MAP2K1: variants seen among roughly 807,000 people sequenced by gnomAD.
MAP2K1 encodes dual specificity mitogen-activated protein kinase kinase 1.
In MAP2K1, 16 loss-of-function variants were observed where a neutral mutation model predicts 46.3. That is an observed-to-expected ratio of 0.35 (90% CI 0.23 to 0.52). The LOEUF (loss-of-function observed/expected upper bound fraction) is 0.52. Among genes scored for constraint, MAP2K1 ranks in the 20% least tolerant of loss-of-function variants. The pLI, the probability that MAP2K1 is intolerant of heterozygous loss-of-function variation, is 0.94. For missense variants in MAP2K1, 263 were observed against 497.1 expected, an observed-to-expected ratio of 0.53 and a Z score of 4.48; for synonymous variants, 183 against 185.6, an observed-to-expected ratio of 0.99 and a Z score of 0.11.
chr15:66,470,697 A>G (rs1046386617), intron 5 of MAP2K1, among the ~76,000 whole-genome samples: 5 of 152,110 alleles, frequency 3.3e-5, no homozygotes, highest in African/African-American at 9.7e-5. Context: ...CCAGCCACCA[A>G]TAGGAGATTT....
intron 1 of MAP2K1, among the ~76,000 whole-genome samples, chr15:66,398,183 A>G (rs1188173400): frequency 6.6e-6 from 1 of 151,534 alleles, no homozygotes; most frequent in Non-Finnish European, 1.5e-5. Flanking sequence ...GAGACCTGCC[A>G]AGTCAGGAGG....
intron 1 of MAP2K1, among the ~76,000 whole-genome samples, chr15:66,388,128 ACTC>A (rs1429823655): frequency 2.6e-5 from 4 of 152,114 alleles, no homozygotes; most frequent in Non-Finnish European, 4.4e-5. Context: ...GAGCCCCTAA[ACTC>A]CTGACCTGAG....
intron 1 of MAP2K1, among the ~76,000 whole-genome samples, chr15:66,409,074 G>A (rs568858873): frequency 3.9e-5 from 6 of 152,276 alleles, no homozygotes; most frequent in South Asian, 2.1e-4. Context: ...GTTGGTAACC[G>A]TAGCATCTGT....
Position 66,490,440 on chromosome 15 carries a change from C to T in MAP2K1, c.1069-62C>T, listed in dbSNP as rs769726899. The T allele has an allele frequency of 1.9e-5, 23 of 1,217,490 alleles. No homozygotes were observed. In the African/African-American group the frequency reaches 2.8e-4, roughly 15 times the overall value. The allele number at this position is 1,217,490 out of a possible 1,614,324, so 75.4% of individuals were successfully genotyped here. On this transcript the variant is annotated intron_variant, in intron 10 of 10. Coordinates refer to ENST00000307102, the MANE Select transcript of MAP2K1 (RefSeq NM_002755.4). ...ACCTGAAACTCTTGGATTTTCCTTC[C>T]TGGTGGGTTTTGTTTTTTTGTTTCT... is the stretch of plus-strand genomic sequence containing the variant.
At chr15:66,410,409 G>GA (rs2093408411) in intron 1 of MAP2K1, among the ~76,000 whole-genome samples, 1 of 151,328 alleles carries the variant, frequency 6.6e-6, no homozygotes, top group African/African-American at 2.4e-5. Flanking sequence ...TAACTTTTAG[G>GA]AAAAAGGGGA....
chr15:66,444,752 A>G (rs766387542), intron 5 of MAP2K1, 45 bp downstream of exon 5: 1 of 1,474,792 alleles, frequency 6.8e-7, no homozygotes, highest in Non-Finnish European at 9.5e-7. Context: ...TTTTAGATAT[A>G]ATCCAAAGGC....
chr15:66,479,885 A>AT (rs11399903), intron 5 of MAP2K1, among the ~76,000 whole-genome samples: 95 of 151,042 alleles, frequency 6.3e-4, no homozygotes, highest in African/African-American at 2.2e-3. Flanking sequence ...GAGGGTCATG[A>AT]TTTTTTTTTA....
chr15:66,472,633 C>A (rs1892667007), intron 5 of MAP2K1, among the ~76,000 whole-genome samples: 1 of 152,152 alleles, frequency 6.6e-6, no homozygotes, highest in Admixed American at 6.6e-5. Context: ...TGCATTTGCC[C>A]CAAAGAAGTA....
At chr15:66,398,677 A>G (rs2093373987) in intron 1 of MAP2K1, among the ~76,000 whole-genome samples, 1 of 152,042 alleles carries the variant, frequency 6.6e-6, no homozygotes, top group East Asian at 1.9e-4. Context: ...AAAAAAATGT[A>G]CTGCATGAAT....
chr15:66,412,323 G>C (rs2093413420), intron 1 of MAP2K1, among the ~76,000 whole-genome samples: 1 of 152,170 alleles, frequency 6.6e-6, no homozygotes, highest in African/African-American at 2.4e-5. Context: ...TACTGTGAAA[G>C]GCTTCTTTGA....
rs763233596 is a variant in MAP2K1 at position 66,489,814 on chromosome 15, TTCTC to T, written c.1068+53_1068+56del. ...ACAGTACCTGTTTATTCATTTGTTC[TTCTC>T]TGTCAGTCATCTGTGCAGTACTTCC... On this transcript the variant is annotated intron_variant, in intron 10 of 10. Transcript: ENST00000307102. The T allele has an allele frequency of 1.5e-5, 22 of 1,464,694 alleles. No homozygotes were observed. The African/African-American group carries it at 2.8e-4, about 19-fold the overall frequency. 90.7% of individuals were successfully genotyped at this position (1,464,694 alleles called of 1,614,324 possible). A position where few individuals can be genotyped will look rare whatever the true frequency, so the allele number is the denominator to read the frequency against.
chr15:66,443,945 A>G (rs1891789538), intron 4 of MAP2K1, among the ~76,000 whole-genome samples: 1 of 151,086 alleles, frequency 6.6e-6, no homozygotes, highest in Non-Finnish European at 1.5e-5. Flanking sequence ...ACAAAAGAGT[A>G]AAAAATAAGG....
At chr15:66,432,288 AG>A (rs1258003316) in intron 1 of MAP2K1, among the ~76,000 whole-genome samples, 1 of 152,198 alleles carries the variant, frequency 6.6e-6, no homozygotes, top group East Asian at 1.9e-4. Flanking sequence ...CTGAAAGTAC[AG>A]GTCAGAAGCC....
chr15:66,489,844 A>C (rs1398244996), intron 10 of MAP2K1, 81 bp downstream of exon 10: 1 of 1,214,420 alleles, frequency 8.2e-7, no homozygotes, highest in Non-Finnish European at 1.2e-6. Flanking sequence ...CAGTACTTCC[A>C]GAGCCCATTC....
At chr15:66,456,784 G>A (rs566249296) in intron 5 of MAP2K1, among the ~76,000 whole-genome samples, 16 of 152,328 alleles carry the variant, frequency 1.1e-4, no homozygotes, top group African/African-American at 3.6e-4. Context: ...AACAGATGGC[G>A]CCTCTTGATG....
At chr15:66,468,966 T>C (rs1386824533) in intron 5 of MAP2K1, among the ~76,000 whole-genome samples, 5 of 142,612 alleles carry the variant, frequency 3.5e-5, no homozygotes, top group Non-Finnish European at 7.7e-5. Context: ...AAAAAAAAAT[T>C]TTTTTTTTTG....
At chr15:66,425,760 C>A (rs1057430703) in intron 1 of MAP2K1, among the ~76,000 whole-genome samples, 1 of 152,220 alleles carries the variant, frequency 6.6e-6, no homozygotes, top group Non-Finnish European at 1.5e-5. Context: ...GTAACAATAT[C>A]CCACTTCATA....
intron 1 of MAP2K1, among the ~76,000 whole-genome samples, chr15:66,418,169 C>A (rs571933700): frequency 1.3e-5 from 2 of 152,260 alleles, no homozygotes; most frequent in East Asian, 3.9e-4. Flanking sequence ...ATTTTGGGTA[C>A]GCTGTATGTA....
intron 5 of MAP2K1, among the ~76,000 whole-genome samples, chr15:66,478,770 C>A (rs897216057): frequency 6.6e-6 from 1 of 151,960 alleles, no homozygotes; most frequent in Non-Finnish European, 1.5e-5. Context: ...AGCCACTGCG[C>A]CTGGCTGGGT....
Sources: allele counts gnomAD v4.1 joint callset (sites outside exome capture counted in the v4.1 genomes callset), GRCh38; gene constraint gnomAD v4.1.1; transcripts MANE v1.5; gene names NCBI Gene and HGNC (gene_info 2026-07-23, HGNC 2026-07-21).